The following PCLO variants were observed in gnomAD, a reference collection of about 807,000 sequenced individuals.
The protein encoded by PCLO is piccolo presynaptic cytomatrix protein.
PCLO carries 82 observed loss-of-function variants against 427.5 expected under a neutral mutation model. That is an observed-to-expected ratio of 0.19 (90% confidence interval 0.16 to 0.23). The LOEUF (loss-of-function observed/expected upper bound fraction) is 0.23, where lower values mean the gene tolerates loss of function less well. Among genes scored for constraint, PCLO ranks in the 10% least tolerant of loss-of-function variants. The pLI is 1.00. For synonymous variants in PCLO, 2,357 were observed against 2,155.4 expected (o/e 1.09, Z -2.59); for missense variants, 6,239 against 6,115.9 (o/e 1.02, Z -0.67).
chr7:82,872,365 C>A (rs925973408), intron 10 of PCLO, among the ~76,000 whole-genome samples: 2 of 151,876 alleles, frequency 1.3e-5, no homozygotes, highest in South Asian at 2.1e-4. Flanking sequence ...TGATCATACT[C>A]AGCACTACTG....
At chr7:82,880,474 G>A (rs370306850) in intron 9 of PCLO, 4 of 323,436 alleles carry the variant, frequency 1.2e-5, no homozygotes. Flanking sequence ...AAACTCCTAA[G>A]CTGAAGCAAT....
chr7:82,782,938 T>G (rs191953844), intron 22 of PCLO, among the ~76,000 whole-genome samples: 8 of 152,336 alleles, frequency 5.3e-5, no homozygotes, highest in Non-Finnish European at 1.2e-4. Flanking sequence ...ATACTCAATT[T>G]TCTTTGTCAC....
At chr7:82,823,427 A>G (rs1180746641) in intron 19 of PCLO, among the ~76,000 whole-genome samples, 1 of 152,122 alleles carries the variant, frequency 6.6e-6, no homozygotes, top group Non-Finnish European at 1.5e-5. Context: ...AGGAAGTAAT[A>G]CTCAAGTCCA....
chr7:83,143,226 T>C (rs972482280), intron 2 of PCLO, among the ~76,000 whole-genome samples: 2 of 151,864 alleles, frequency 1.3e-5, no homozygotes, highest in African/African-American at 4.8e-5. Context: ...ACTCAAGGAC[T>C]ACTCAAGCCA....
In PCLO at chr7:82,952,663, A is replaced by T; in HGVS notation, c.8290T>A (p.Tyr2764Asn). The change falls in exon 5 of 25, where the codon TAT becomes AAT. Residue 2764 changes from tyrosine (Y) to asparagine (N), a missense_variant. By Grantham distance (143) the Tyr-to-Asn change is moderately radical (BLOSUM62 -2). Around this residue, in one of 5 missense-constraint regions of PCLO, gnomAD observed 4,677 missense variants for 4,468.4 expected, o/e 1.05. Transcript: ENST00000333891. Reference sequence around the variant, plus strand: ...TGGACAGCACTAATTTGTTTCCCATAAACTTCATTTGCTGTGATCTGCCTT... The same window carrying T: ...TGGACAGCACTAATTTGTTTCCCATTAACTTCATTTGCTGTGATCTGCCTT... ...VKRQITANEV[Y>N]GKQISAVQPS... 6.2e-7 allele frequency: 1 copy of T among 1,613,938 alleles called. No individual in the cohort carries two copies. The highest frequency in any genetic ancestry group is 8.5e-7 in the Non-Finnish European group (1 of 1,179,840).
At chr7:82,914,407 T>C (rs989697348) in intron 7 of PCLO, 2 of 549,132 alleles carry the variant, frequency 3.6e-6, no homozygotes, top group African/African-American at 3.8e-5. Flanking sequence ...TTGACAGAAT[T>C]ATTTGATAAT....
chr7:82,852,566 C>T (rs577821009), intron 10 of PCLO, among the ~76,000 whole-genome samples: 14 of 152,154 alleles, frequency 9.2e-5, no homozygotes, highest in Admixed American at 3.3e-4. Flanking sequence ...GACTCTTGGG[C>T]CTTTGGGCAC....
chr7:82,900,476 A>G (rs1400234329), intron 9 of PCLO, among the ~76,000 whole-genome samples: 1 of 151,750 alleles, frequency 6.6e-6, no homozygotes, highest in Non-Finnish European at 1.5e-5. Flanking sequence ...GACCAAAAAT[A>G]TAGGTAATTT....
intron 2 of PCLO, among the ~76,000 whole-genome samples, chr7:83,142,278 G>T (rs1376889509): frequency 3.3e-5 from 5 of 151,958 alleles, no homozygotes; most frequent in Non-Finnish European, 5.9e-5. Context: ...TTCTTCAATC[G>T]TGCTATTTTC....
At chr7:82,903,881 T>G (rs1794119262) in intron 8 of PCLO, among the ~76,000 whole-genome samples, 1 of 151,990 alleles carries the variant, frequency 6.6e-6, no homozygotes, top group African/African-American at 2.4e-5. Context: ...ACTTAATGTG[T>G]CCTAGTATTT....
At position 83,050,271 on chromosome 7, in the gene PCLO, TAAAAAA is replaced by T. The variant is rs60841081; in HGVS notation, c.3301-83790_3301-83785del. On this transcript the variant is annotated intron_variant, in intron 3 of 24. Transcript: ENST00000333891. ...AACAAAAAAAACTAGAAGTGCTTTT[TAAAAAA>T]AAAAAAAAAAAACAAAACCAAAAAA... 1.2e-3 allele frequency among the ~76,000 whole-genome samples: 113 copies of T among 94,654 alleles called. No individual in the cohort carries two copies. The South Asian group carries it at 0.015, about 13-fold the overall frequency. 62.1% of individuals were successfully genotyped at this position (94,654 alleles called of 152,430 possible).
intron 3 of PCLO, among the ~76,000 whole-genome samples, chr7:82,979,364 C>T (rs1208395991): frequency 1.3e-5 from 2 of 152,100 alleles, no homozygotes; most frequent in Non-Finnish European, 2.9e-5. Flanking sequence ...AATAACCAAC[C>T]ATATGGATGC....
intron 6 of PCLO, among the ~76,000 whole-genome samples, chr7:82,925,950 C>A (rs1187769192): frequency 6.6e-6 from 1 of 151,794 alleles, no homozygotes; most frequent in African/African-American, 2.4e-5. Context: ...AACTCCTGGG[C>A]TCAAGAGATC....
intron 3 of PCLO, among the ~76,000 whole-genome samples, chr7:83,050,536 AC>A (rs758569020): frequency 6.6e-6 from 1 of 151,936 alleles, no homozygotes. Context: ...CAGTCTCTCA[AC>A]AAAATGTTAG....
chr7:82,758,473 A>G lies in PCLO; in HGVS notation c.*102T>C. On this transcript the variant is annotated 3_prime_UTR_variant, in exon 25 of 25. Coordinates refer to ENST00000333891, the MANE Select transcript of PCLO (RefSeq NM_033026.6). ...GTTTTTGCTTGTTGTTCCCACTCTT[A>G]TGTTTGCCTCTCAAAACTTAGCTTT... 3 of 896,078 alleles carry G rather than the reference A, an allele frequency of 3.3e-6. 1 individual carries two copies. The South Asian group carries it at 6.2e-5, about 18-fold the overall frequency. The allele number at this position is 896,078 out of a possible 1,614,324, so 55.5% of individuals were successfully genotyped here.
At position 82,896,964 on chromosome 7, in the gene PCLO, C is replaced by A. The variant is rs574360562; in HGVS notation, c.13528+5687G>T. Among the ~76,000 whole-genome samples the A allele has an allele frequency of 1.8e-4, 27 of 151,594 alleles. No homozygotes were observed. The South Asian group carries it at 5.4e-3, about 30-fold the overall frequency. On this transcript the variant is annotated intron_variant, in intron 9 of 24. Coordinates refer to ENST00000333891, the MANE Select transcript of PCLO (RefSeq NM_033026.6). Reference sequence around the variant, plus strand: ...CCTTTTTCAAAAATCAGAAGAATTTCTTTGGCTTGTTTCAAACAGCTGTGT... The same window carrying A: ...CCTTTTTCAAAAATCAGAAGAATTTATTTGGCTTGTTTCAAACAGCTGTGT...
chr7:83,142,576 C>A (rs1396410134), intron 2 of PCLO, among the ~76,000 whole-genome samples: 2 of 152,164 alleles, frequency 1.3e-5, no homozygotes, highest in East Asian at 1.9e-4. Context: ...TACCATTATA[C>A]CCCGAACCAC....
chr7:83,000,881 CAAT>C (rs1329177933), intron 3 of PCLO, among the ~76,000 whole-genome samples: 1 of 151,952 alleles, frequency 6.6e-6, no homozygotes, highest in African/African-American at 2.4e-5. Context: ...TTGTTCAAAA[CAAT>C]AATAGTAATA....
At chr7:82,926,536 TA>T (rs1473596254) in intron 6 of PCLO, among the ~76,000 whole-genome samples, 2 of 152,116 alleles carry the variant, frequency 1.3e-5, no homozygotes, top group African/African-American at 2.4e-5. Flanking sequence ...TAGTAATACA[TA>T]AAAAAATTCT....
Sources: gnomAD v4.1 joint callset for allele counts (sites outside exome capture counted in the v4.1 genomes callset) on GRCh38, gnomAD v4.1.1 for gene constraint, gnomAD v4.1.1 regional missense constraint, MANE v1.5 for transcripts, NCBI Gene and HGNC (gene_info 2026-07-23, HGNC 2026-07-21) for gene names.